The following TRABD2B variants were observed in gnomAD, a reference collection of about 807,000 sequenced individuals.
TRABD2B encodes the protein metalloprotease TIKI2.
A neutral mutation model predicts 40.1 loss-of-function variants in TRABD2B; 14 were observed. That is an observed-to-expected ratio of 0.35 (90% confidence interval 0.23 to 0.55). The LOEUF (loss-of-function observed/expected upper bound fraction) is 0.55. Ranked by LOEUF, TRABD2B falls within the 20% of genes least tolerant of loss-of-function variation. TRABD2B has a pLI of 0.90. For synonymous variants in TRABD2B, 263 were observed against 277.0 expected (o/e 0.95, Z 0.50); for missense variants, 541 against 648.6 (o/e 0.83, Z 1.80).
chr1:47,950,639 G>A (rs1477803930), intron 2 of TRABD2B, among the ~76,000 whole-genome samples: 1 of 152,232 alleles, frequency 6.6e-6, no homozygotes, highest in African/African-American at 2.4e-5. Flanking sequence ...CACAAGGGAA[G>A]TGAGAAGAGA....
At chr1:47,944,721 T>C (rs1274929272) in intron 2 of TRABD2B, among the ~76,000 whole-genome samples, 1 of 152,216 alleles carries the variant, frequency 6.6e-6, no homozygotes, top group Non-Finnish European at 1.5e-5. Flanking sequence ...CACTTCTCTC[T>C]ACTCCCTGGC....
chr1:47,823,845 G>A (rs1199851636), intron 2 of TRABD2B, among the ~76,000 whole-genome samples: 1 of 152,186 alleles, frequency 6.6e-6, no homozygotes, highest in Non-Finnish European at 1.5e-5. Flanking sequence ...CTCTTTCTGT[G>A]GGGTAGCCAT....
chr1:47,828,013 G>A (rs573820618), intron 2 of TRABD2B, among the ~76,000 whole-genome samples: 4 of 152,262 alleles, frequency 2.6e-5, no homozygotes, highest in East Asian at 3.9e-4. Flanking sequence ...CCTTCAGCCC[G>A]GGCATCTCAG....
At chr1:47,774,506 C>G (rs988347587) in intron 6 of TRABD2B, among the ~76,000 whole-genome samples, 1 of 152,176 alleles carries the variant, frequency 6.6e-6, no homozygotes, top group Non-Finnish European at 1.5e-5. Context: ...TGGAAGACAG[C>G]ATCCTGGTCA....
intron 2 of TRABD2B, among the ~76,000 whole-genome samples, chr1:47,864,465 T>TA (rs920709637): frequency 6.1e-4 from 88 of 144,940 alleles, no homozygotes; most frequent in Middle Eastern, 7.2e-3. Context: ...AAAACTGCTC[T>TA]AAAAAAAAAA....
rs942402528 is a variant in TRABD2B at position 47,900,031 on chromosome 1, A to T, written c.666+94003T>A. The stretch of plus-strand genomic sequence containing the variant: ...CCCTGTGGAAAGTGCTTGGGCCTGC[A>T]TCTCAGCTTGACTTCTCCCTCTGCT... On this transcript the variant is annotated intron_variant, in intron 2 of 6. Coordinates refer to ENST00000606738, the MANE Select transcript of TRABD2B (RefSeq NM_001194986.2). Among the ~76,000 whole-genome samples, 3 of 152,304 alleles carry T rather than the reference A, an allele frequency of 2.0e-5. No homozygotes were observed. In the South Asian group the frequency reaches 6.2e-4, roughly 32 times the overall value.
chr1:47,801,425 G>C (rs943443247), intron 3 of TRABD2B, 48 bp downstream of exon 3: 1 of 1,519,116 alleles, frequency 6.6e-7, no homozygotes, highest in African/African-American at 1.4e-5. Context: ...GCACGTCATA[G>C]GGATCTAATA....
chr1:47,939,101 A>G (rs537488899), intron 2 of TRABD2B, among the ~76,000 whole-genome samples: 1 of 152,248 alleles, frequency 6.6e-6, no homozygotes, highest in South Asian at 2.1e-4. Flanking sequence ...CACGGAGACC[A>G]CATGGTGAGG....
At chr1:47,785,251 CA>C (rs1388729464) in intron 4 of TRABD2B, among the ~76,000 whole-genome samples, 2 of 151,952 alleles carry the variant, frequency 1.3e-5, no homozygotes, top group Non-Finnish European at 2.9e-5. Context: ...AAGCTGGGAC[CA>C]AAAAACACTC....
chr1:47,987,164 G>A (rs191109007), intron 2 of TRABD2B, among the ~76,000 whole-genome samples: 1 of 152,230 alleles, frequency 6.6e-6, no homozygotes, highest in African/African-American at 2.4e-5. Context: ...TGCCGGTCAG[G>A]TTTTCTCTGC....
chr1:47,818,808 C>T (rs1369231761), intron 2 of TRABD2B: 1 of 152,206 alleles, frequency 6.6e-6, no homozygotes, highest in African/African-American at 2.4e-5. Flanking sequence ...GGTAGGCAGA[C>T]AGTTTGGTAT....
chr1:47,941,146 C>T (rs961251676), intron 2 of TRABD2B, among the ~76,000 whole-genome samples: 1 of 152,212 alleles, frequency 6.6e-6, no homozygotes, highest in African/African-American at 2.4e-5. Context: ...ACCCTGGCCA[C>T]TCCTCATCCT....
At chr1:47,782,892 C>T (rs1175477257) in intron 4 of TRABD2B, among the ~76,000 whole-genome samples, 2 of 152,202 alleles carry the variant, frequency 1.3e-5, no homozygotes, top group African/African-American at 4.8e-5. Context: ...GCCCAGGCTC[C>T]CCAGGTCTCC....
intron 2 of TRABD2B, among the ~76,000 whole-genome samples, chr1:47,814,803 C>T (rs185976591): frequency 2.1e-4 from 32 of 152,316 alleles, no homozygotes; most frequent in Non-Finnish European, 1.2e-4. Context: ...TCAAAGGAGA[C>T]AGCTGCGCAG....
intron 2 of TRABD2B, among the ~76,000 whole-genome samples, chr1:47,830,018 C>A (rs549246275): frequency 9.9e-5 from 15 of 152,180 alleles, no homozygotes; most frequent in African/African-American, 2.7e-4. Context: ...TCCATGACCC[C>A]CTCTGCCTAA....
intron 3 of TRABD2B, among the ~76,000 whole-genome samples, chr1:47,796,080 A>T (rs1644744482): frequency 6.6e-6 from 1 of 152,170 alleles, no homozygotes; most frequent in Non-Finnish European, 1.5e-5. Flanking sequence ...TCCCTTTCTG[A>T]CCACAGTTGC....
chr1:47,908,554 G>C (rs906087284), intron 2 of TRABD2B, among the ~76,000 whole-genome samples: 1 of 152,124 alleles, frequency 6.6e-6, no homozygotes, highest in African/African-American at 2.4e-5. Flanking sequence ...GTCTGCACAG[G>C]CTCCTATTCT....
At chr1:47,888,068 C>T (rs1427744626) in intron 2 of TRABD2B, among the ~76,000 whole-genome samples, 4 of 152,176 alleles carry the variant, frequency 2.6e-5, no homozygotes, top group Non-Finnish European at 4.4e-5. Context: ...TATTATTGAA[C>T]GGGGGCTTGC....
chr1:47,778,568 G>T lies in TRABD2B; in HGVS notation c.989-24C>A, dbSNP rs1289650310. On this transcript the variant is annotated intron_variant, in intron 4 of 6. Coordinates refer to ENST00000606738, the MANE Select transcript of TRABD2B (RefSeq NM_001194986.2). ...ACCTGGAACACAAGTGACAAAAGGG[G>T]CTCAGCCACATGCCAGGCCACCGGC... is the stretch of plus-strand genomic sequence containing the variant. 5.3e-6 allele frequency: 8 copies of T among 1,521,374 alleles called. No homozygotes were observed. In the East Asian group the frequency reaches 9.8e-5, roughly 19 times the overall value. 94.2% of individuals were successfully genotyped at this position (1,521,374 alleles called of 1,614,324 possible). A position where few individuals can be genotyped will look rare whatever the true frequency, so the allele number is the denominator to read the frequency against.
Sources: gnomAD v4.1 joint callset for allele counts (sites outside exome capture counted in the v4.1 genomes callset) on GRCh38, gnomAD v4.1.1 for gene constraint, MANE v1.5 for transcripts, NCBI Gene and HGNC (gene_info 2026-07-23, HGNC 2026-07-21) for gene names.